Variants in LGR4 observed in about 807,000 individuals in gnomAD.
The protein encoded by LGR4 is leucine rich repeat containing G protein-coupled receptor 4, also known as leucine-rich repeat-containing G protein-coupled receptor 4.
In LGR4, 44 loss-of-function variants were observed where a neutral mutation model predicts 84.8. That is an observed-to-expected ratio of 0.52 (90% CI 0.41 to 0.67). The LOEUF (loss-of-function observed/expected upper bound fraction) is 0.67. Among genes scored for constraint, LGR4 ranks in the 30% least tolerant of loss-of-function variants. LGR4 has a pLI of 0.00. For synonymous variants in LGR4, 429 were observed against 434.3 expected (o/e 0.99, Z 0.15); for missense variants, 1,032 against 1,131.4 (o/e 0.91, Z 1.26).
At chr11:27,436,582 T>C (rs1445523974) in intron 1 of LGR4, among the ~76,000 whole-genome samples, 1 of 152,208 alleles carries the variant, frequency 6.6e-6, no homozygotes, top group African/African-American at 2.4e-5. Flanking sequence ...AATATATATG[T>C]AATAGTGTTT....
At chr11:27,399,671 C>G (rs1253025673) in intron 2 of LGR4, among the ~76,000 whole-genome samples, 2 of 152,026 alleles carry the variant, frequency 1.3e-5, no homozygotes, top group African/African-American at 2.4e-5. Context: ...AGGCGCCCAC[C>G]ACCATGCCCA....
chr11:27,392,524 G>C lies in LGR4; in HGVS notation c.258-6C>G. On this transcript the variant is annotated splice_region_variant and splice_polypyrimidine_tract_variant and intron_variant, in intron 2 of 17. Coordinates refer to ENST00000379214, the MANE Select transcript of LGR4 (RefSeq NM_018490.5). ...GGTCGTTGCCCGCCAATTGTCTAGAGAAAAAAAAAAAAAAAGTAGCAAGAA... is the reference window on the plus strand; with the variant it reads ...GGTCGTTGCCCGCCAATTGTCTAGACAAAAAAAAAAAAAAAGTAGCAAGAA... 1 of 1,246,306 alleles carries C rather than the reference G, an allele frequency of 8.0e-7. No individual in the cohort carries two copies. Among genetic ancestry groups the C allele is most frequent in the Non-Finnish European group, 1.0e-6 (1 of 953,312 alleles). 77.2% of individuals were successfully genotyped at this position (1,246,306 alleles called of 1,614,324 possible). A position where few individuals can be genotyped will look rare whatever the true frequency, so the allele number is the denominator to read the frequency against.
chr11:27,433,913 T>C (rs535272033), intron 1 of LGR4, among the ~76,000 whole-genome samples: 3 of 152,350 alleles, frequency 2.0e-5, no homozygotes, highest in Admixed American at 6.5e-5. Context: ...TCTTCTGTGA[T>C]GTGAGGTCGG....
chr11:27,439,772 C>T (rs1485153608), intron 1 of LGR4, among the ~76,000 whole-genome samples: 2 of 152,104 alleles, frequency 1.3e-5, no homozygotes, highest in Non-Finnish European at 2.9e-5. Context: ...CCTCCCTGTA[C>T]CCTGGCCATT....
chr11:27,384,371 T>C lies in LGR4; in HGVS notation c.654A>G (p.Gln218=). 1.9e-6 allele frequency: 3 copies of C among 1,611,374 alleles called. No individual in the cohort carries two copies. Among genetic ancestry groups the C allele is most frequent in the Non-Finnish European group, 2.5e-6 (3 of 1,178,170 alleles). Residue 218 remains glutamine (Q), a synonymous_variant, in exon 6 of 18, where the codon CAA becomes CAG. Transcript: ENST00000379214. Reference sequence around the variant, plus strand: ...GGTTATCTAGTCCATCAAAACAGTGTTGACTCAGGCTTCTAATTTTATTGT... The same window carrying C: ...GGTTATCTAGTCCATCAAAACAGTGCTGACTCAGGCTTCTAATTTTATTGT... The part of the protein sequence containing the change: ...LHNNKIRSLS[Q]HCFDGLDNLE...
At position 27,368,952 on chromosome 11, in the gene LGR4, T is replaced by G; in HGVS notation, c.1771A>C (p.Thr591Pro). ...GCATCAAGAAAAGTTAGGATGCCAG[T>G]ATAGATTCCCATGAATAAGTTAGAC... is the stretch of plus-strand genomic sequence containing the variant. ...SVSNLFMGIY[T>P]GILTFLDAVS... is the part of the protein sequence containing the mutation. The change falls in exon 18 of 18, where the codon ACT becomes CCT. Residue 591 changes from threonine (T) to proline (P), a missense_variant. Physicochemically the swap from Thr to Pro is conservative, Grantham distance 38. Coordinates refer to ENST00000379214, the MANE Select transcript of LGR4 (RefSeq NM_018490.5). 6.2e-7 allele frequency: 1 copy of G among 1,614,084 alleles called. No homozygotes were observed.
chr11:27,426,538 T>C lies in LGR4; in HGVS notation c.186-13678A>G, dbSNP rs190427785. Among the ~76,000 whole-genome samples, 4 of 152,310 alleles carry C rather than the reference T, an allele frequency of 2.6e-5. No homozygotes were observed. In the East Asian group the frequency reaches 7.7e-4, roughly 29 times the overall value. On this transcript the variant is annotated intron_variant, in intron 1 of 17. Coordinates refer to ENST00000379214, the MANE Select transcript of LGR4 (RefSeq NM_018490.5). ...CCTGCTGTATAACTCTTACTAGTTG[T>C]ATAACCCTGGGCAAGTCCCTTAATC...
rs1590356580 is a variant in LGR4, at chr11:27,391,899, G to C, written c.329+548C>G. ...AGAGAGGTCTAATGACCTTCTGAAG[G>C]TCATCCAGCATGGTAGTGGCAGAAG... On this transcript the variant is annotated intron_variant, in intron 3 of 17. Transcript: ENST00000379214. 2.0e-5 allele frequency among the ~76,000 whole-genome samples: 3 copies of C among 152,122 alleles called. No homozygotes were observed. In the South Asian group the frequency reaches 6.2e-4, roughly 32 times the overall value.
At chr11:27,453,487 A>G (rs1482606899) in intron 1 of LGR4, among the ~76,000 whole-genome samples, 1 of 152,202 alleles carries the variant, frequency 6.6e-6, no homozygotes, top group Non-Finnish European at 1.5e-5. Context: ...ACCCTACTTT[A>G]ACAGCAAACC....
chr11:27,400,028 T>G (rs1476306765), intron 2 of LGR4, among the ~76,000 whole-genome samples: 1 of 152,164 alleles, frequency 6.6e-6, no homozygotes, highest in Non-Finnish European at 1.5e-5. Context: ...CTCATTTTCG[T>G]CATCCTATTA....
At chr11:27,406,233 C>T (rs975859622) in intron 2 of LGR4, among the ~76,000 whole-genome samples, 4 of 152,052 alleles carry the variant, frequency 2.6e-5, no homozygotes, top group Admixed American at 6.6e-5. Context: ...ATTCCCATAG[C>T]GAGTATACTA....
At chr11:27,449,513 T>C (rs1864446746) in intron 1 of LGR4, among the ~76,000 whole-genome samples, 1 of 151,982 alleles carries the variant, frequency 6.6e-6, no homozygotes, top group African/African-American at 2.4e-5. Context: ...GCCTAAGAGC[T>C]TGAGCCTGCA....
chr11:27,468,837 T>G (rs1004124892), intron 1 of LGR4, among the ~76,000 whole-genome samples: 4 of 152,198 alleles, frequency 2.6e-5, no homozygotes, highest in African/African-American at 9.7e-5. Flanking sequence ...CTTAAAACTA[T>G]GTGCCAAACA....
intron 1 of LGR4, among the ~76,000 whole-genome samples, chr11:27,466,166 A>G (rs1864775064): frequency 6.6e-6 from 1 of 152,248 alleles, no homozygotes. Context: ...TTTATTTTTC[A>G]GAGTTAAAGG....
intron 12 of LGR4, among the ~76,000 whole-genome samples, chr11:27,376,926 C>G (rs142748038): frequency 1.3e-5 from 2 of 152,288 alleles, no homozygotes; most frequent in Non-Finnish European, 2.9e-5. Context: ...TAAATATACA[C>G]TAACTTCCAA....
At chr11:27,418,046 A>T (rs1863853565) in intron 1 of LGR4, among the ~76,000 whole-genome samples, 1 of 152,334 alleles carries the variant, frequency 6.6e-6, no homozygotes, top group Middle Eastern at 3.4e-3. Flanking sequence ...CATTGAACAA[A>T]TATTTACAAA....
chr11:27,369,767 T>A (rs1359701524), intron 17 of LGR4, among the ~76,000 whole-genome samples: 1 of 152,234 alleles, frequency 6.6e-6, no homozygotes, highest in Non-Finnish European at 1.5e-5. Flanking sequence ...TATCTACACA[T>A]ATTTTTTATA....
chr11:27,436,363 AAGAAAGAAAG>A (rs1864208858), intron 1 of LGR4, among the ~76,000 whole-genome samples: 1 of 147,198 alleles, frequency 6.8e-6, no homozygotes, highest in African/African-American at 2.6e-5. Context: ...GAAAGAAAGA[AAGAAAGAAAG>A]AGAGAGAGAG....
At chr11:27,381,713 A>AT (rs938725443) in intron 7 of LGR4, among the ~76,000 whole-genome samples, 4 of 151,768 alleles carry the variant, frequency 2.6e-5, no homozygotes, top group Non-Finnish European at 5.9e-5. Flanking sequence ...AATCAAAAAA[A>AT]AAAATAAAAA....
Sources: gnomAD v4.1 joint callset for allele counts (sites outside exome capture counted in the v4.1 genomes callset) on GRCh38, gnomAD v4.1.1 for gene constraint, MANE v1.5 for transcripts, NCBI Gene and HGNC (gene_info 2026-07-23, HGNC 2026-07-21) for gene names.